TDRD9: variants seen among roughly 807,000 people sequenced by gnomAD.
TDRD9 encodes the protein ATP-dependent RNA helicase TDRD9.
Under a neutral mutation model 172.6 loss-of-function variants are expected in TDRD9, and 124 were observed. The observed-to-expected ratio is 0.72, with a 90% CI of 0.62 to 0.83. TDRD9 has a LOEUF of 0.83. TDRD9 is among the 40% of genes least tolerant of loss of function. TDRD9 has a pLI of 0.00. For synonymous variants in TDRD9, 619 were observed against 617.1 expected (o/e 1.00, Z -0.05); for missense variants, 1,479 against 1,714.1 (o/e 0.86, Z 2.42).
chr14:103,943,210 A>G (rs1333342540), intron 1 of TDRD9, among the ~76,000 whole-genome samples: 1 of 151,884 alleles, frequency 6.6e-6, no homozygotes, highest in Non-Finnish European at 1.5e-5. Flanking sequence ...GGCTCACTGT[A>G]GCCTCGACCT....
rs2032167898 is a variant in TDRD9 at position 103,955,859 on chromosome 14, C to T, written c.322+89C>T. On this transcript the variant is annotated intron_variant, in intron 2 of 35. Coordinates refer to ENST00000409874, the MANE Select transcript of TDRD9 (RefSeq NM_153046.3). ...GGTTCATAGTGCATGCCTGTAATTC[C>T]AGCTACTCAGGAGGCTGAGGTGGGA... is the stretch of plus-strand genomic sequence containing the variant. The T allele has an allele frequency of 4.3e-5, 48 of 1,121,774 alleles. 2 individuals are homozygous for T. The South Asian group carries it at 6.7e-4, about 16-fold the overall frequency. 69.5% of individuals were successfully genotyped at this position (1,121,774 alleles called of 1,614,324 possible). A position where few individuals can be genotyped will look rare whatever the true frequency, so the allele number is the denominator to read the frequency against.
At chr14:103,975,974 G>A (rs986180983) in intron 7 of TDRD9, among the ~76,000 whole-genome samples, 2 of 152,118 alleles carry the variant, frequency 1.3e-5, no homozygotes, top group South Asian at 4.1e-4. Flanking sequence ...CTTTAAAAAG[G>A]ACACTAGAAG....
intron 9 of TDRD9, among the ~76,000 whole-genome samples, chr14:103,991,800 C>G (rs951696739): frequency 6.7e-6 from 1 of 149,542 alleles, no homozygotes; most frequent in African/African-American, 2.5e-5. Flanking sequence ...CTCTGTTGCC[C>G]AGGCAGGGGT....
intron 7 of TDRD9, among the ~76,000 whole-genome samples, chr14:103,978,415 T>C (rs1192999266): frequency 6.6e-6 from 1 of 152,190 alleles, no homozygotes; most frequent in Non-Finnish European, 1.5e-5. Flanking sequence ...TCAGGACATC[T>C]ATTTGTAGTT....
rs535159107 is a variant in TDRD9, at chr14:103,961,092, A to T, written c.323-1987A>T. Among the ~76,000 whole-genome samples, 14 of 152,270 alleles carry T rather than the reference A, an allele frequency of 9.2e-5. No individual in the cohort carries two copies. In the South Asian group the frequency reaches 2.9e-3, roughly 32 times the overall value. The stretch of plus-strand genomic sequence containing the variant: ...CTTCTTTCTCTCAGTCCAGTTCACA[A>T]GGGCCATGGGGATTCTCTTCCCCTT... On this transcript the variant is annotated intron_variant, in intron 2 of 35. Transcript: ENST00000409874.
intron 25 of TDRD9, 132 bp downstream of exon 25, chr14:104,024,812 CTTG>C: frequency 2.2e-6 from 1 of 451,380 alleles, no homozygotes; most frequent in South Asian, 7.3e-5. Flanking sequence ...CCTTGGTAAT[CTTG>C]TTAATGTGGG....
At chr14:104,051,623 T>G (rs755957017) in intron 35 of TDRD9, among the ~76,000 whole-genome samples, 1 of 152,204 alleles carries the variant, frequency 6.6e-6, no homozygotes, top group Non-Finnish European at 1.5e-5. Flanking sequence ...CTGTTGTTTT[T>G]TTGACTTTTT....
At chr14:103,985,253 C>T (rs192135810) in intron 7 of TDRD9, among the ~76,000 whole-genome samples, 3 of 152,164 alleles carry the variant, frequency 2.0e-5, no homozygotes, top group African/African-American at 7.2e-5. Context: ...AGCTGTGTCC[C>T]CACCGAAATC....
intron 1 of TDRD9, among the ~76,000 whole-genome samples, chr14:103,949,108 T>C (rs1356703448): frequency 6.6e-6 from 1 of 152,180 alleles, no homozygotes; most frequent in Non-Finnish European, 1.5e-5. Context: ...TTGCATAACA[T>C]GAATGTATTT....
intron 34 of TDRD9, among the ~76,000 whole-genome samples, chr14:104,047,893 C>G (rs1416104489): frequency 6.6e-6 from 1 of 151,968 alleles, no homozygotes; most frequent in Non-Finnish European, 1.5e-5. Context: ...TGAGATTATC[C>G]CTGATTCATT....
rs750431323 is a variant in TDRD9, at chr14:104,032,028, C to T, written c.3450C>T (p.His1150=). 3.9e-5 allele frequency: 60 copies of T among 1,547,656 alleles called. No individual in the cohort carries two copies. The highest frequency in any genetic ancestry group is 1.3e-4 in the South Asian group (11 of 82,632). ...LGTPNCKAEL[H]GPFNPYELKC... is the part of the protein sequence containing the mutation. ...TTTTGTGCACGCAGGCAGAACTTCA[C>T]GGGCCTTTTAACCCTTATGAACTAA... The change falls in exon 30 of 36, where the codon CAC becomes CAT. Residue 1150 remains histidine, a synonymous_variant. Coordinates refer to ENST00000409874, the MANE Select transcript of TDRD9 (RefSeq NM_153046.3).
intron 1 of TDRD9, among the ~76,000 whole-genome samples, chr14:103,938,074 T>C (rs1480334478): frequency 1.3e-5 from 2 of 152,046 alleles, no homozygotes; most frequent in Non-Finnish European, 2.9e-5. Context: ...AGTTTGCTCA[T>C]CTGTCATATG....
chr14:104,007,308 C>A, intron 19 of TDRD9, 104 bp downstream of exon 19: 1 of 1,090,974 alleles, frequency 9.2e-7, no homozygotes, highest in Non-Finnish European at 1.3e-6. Flanking sequence ...GTGCCACCTG[C>A]GGCTGGAGTC....
chr14:103,960,203 T>C (rs568986290), intron 2 of TDRD9, among the ~76,000 whole-genome samples: 1 of 152,354 alleles, frequency 6.6e-6, no homozygotes, highest in African/African-American at 2.4e-5. Flanking sequence ...CTGTAATATA[T>C]AGTGTGTAGA....
chr14:103,984,016 G>A (rs1781093656), intron 7 of TDRD9, among the ~76,000 whole-genome samples: 1 of 152,174 alleles, frequency 6.6e-6, no homozygotes, highest in African/African-American at 2.4e-5. Flanking sequence ...CTGCCCTAGA[G>A]ATTTGTGGAA....
At chr14:103,987,495 AT>A (rs976936040) in intron 8 of TDRD9, among the ~76,000 whole-genome samples, 4 of 151,116 alleles carry the variant, frequency 2.6e-5, no homozygotes, top group Non-Finnish European at 4.4e-5. Flanking sequence ...TTCCATTTTG[AT>A]TTTTTCTTTG....
chr14:103,987,588 A>G (rs937281809), intron 8 of TDRD9, among the ~76,000 whole-genome samples: 8 of 151,626 alleles, frequency 5.3e-5, no homozygotes, highest in African/African-American at 1.9e-4. Flanking sequence ...CACATTTTGA[A>G]TTTCATTCTA....
chr14:103,978,480 G>A (rs1248087470), intron 7 of TDRD9, among the ~76,000 whole-genome samples: 4 of 152,148 alleles, frequency 2.6e-5, no homozygotes, highest in African/African-American at 9.7e-5. Flanking sequence ...CACTTTATTT[G>A]GTTTGACTGT....
chr14:103,954,291 A>T (rs1177700306), intron 1 of TDRD9, among the ~76,000 whole-genome samples: 1 of 152,178 alleles, frequency 6.6e-6, no homozygotes, highest in Admixed American at 6.5e-5. Flanking sequence ...ATATTATGAA[A>T]ATATACCCTT....
Sources: gnomAD v4.1 joint callset for allele counts (sites outside exome capture counted in the v4.1 genomes callset) on GRCh38, gnomAD v4.1.1 for gene constraint, MANE v1.5 for transcripts, NCBI Gene and HGNC (gene_info 2026-07-23, HGNC 2026-07-21) for gene names.